ABCB4: variants seen among roughly 807,000 people sequenced by gnomAD.
ABCB4 encodes the protein ATP binding cassette subfamily B member 4, also known as phosphatidylcholine translocator ABCB4.
A neutral mutation model predicts 145.7 loss-of-function variants in ABCB4; 76 were observed. The observed-to-expected ratio is 0.52, with a 90% CI of 0.43 to 0.63. The LOEUF is 0.63. Ranked by LOEUF, ABCB4 falls within the 30% of genes least tolerant of loss-of-function variation. ABCB4 has a pLI of 0.00. For synonymous variants in ABCB4, 517 were observed against 566.8 expected, an observed-to-expected ratio of 0.91 and a Z score of 1.25; for missense variants, 1,234 against 1,553.1, an observed-to-expected ratio of 0.79 and a Z score of 3.45.
chr7:87,418,737 G>T, intron 19 of ABCB4, 117 bp from the exon 20 acceptor site: 1 of 904,366 alleles, frequency 1.1e-6, no homozygotes, highest in Non-Finnish European at 1.8e-6. Flanking sequence ...CATATGCAGT[G>T]TAGAGTCCCT....
the ABCB4 span, among the ~76,000 whole-genome samples, chr7:87,390,700 TCAC>T: frequency 1.3e-5 from 2 of 152,192 alleles, no homozygotes; most frequent in African/African-American, 4.8e-5. Context: ...AAAACAGATA[TCAC>T]CCTGGGGAAC....
chr7:87,413,088 T>C (rs1439879213), intron 22 of ABCB4, among the ~76,000 whole-genome samples: 1 of 152,226 alleles, frequency 6.6e-6, no homozygotes, highest in African/African-American at 2.4e-5. Context: ...CAGGCTGCAG[T>C]GGAAATGAGT....
chr7:87,439,853 T>G lies in ABCB4; in HGVS notation c.1561-16A>C. 4 of 1,614,152 alleles carry G rather than the reference T, an allele frequency of 2.5e-6. No homozygotes were observed. Among genetic ancestry groups the G allele is most frequent in the Non-Finnish European group, 3.4e-6 (4 of 1,180,008 alleles). ...TGTCAAATTTCTAACACAGAAAACATGGATCAGCTCTTGAAGTAACTTAAA... is the reference window on the plus strand; with the variant it reads ...TGTCAAATTTCTAACACAGAAAACAGGGATCAGCTCTTGAAGTAACTTAAA... On this transcript the variant is annotated splice_polypyrimidine_tract_variant and intron_variant, in intron 13 of 27. Transcript: ENST00000649586.
intron 24 of ABCB4, 102 bp downstream of exon 24, chr7:87,409,134 T>G: frequency 1.5e-6 from 2 of 1,341,566 alleles, no homozygotes; most frequent in Non-Finnish European, 2.1e-6. Context: ...ATGAAACACA[T>G]GTTGGTGTAA....
chr7:87,422,575 G>A (rs767029928), intron 17 of ABCB4, among the ~76,000 whole-genome samples: 7 of 151,986 alleles, frequency 4.6e-5, no homozygotes, highest in Non-Finnish European at 8.8e-5. Context: ...TGACTGCATG[G>A]TTGTTAACAT....
At chr7:87,443,598 T>C (rs1198932047) in intron 11 of ABCB4, 65 bp downstream of exon 11, 8 of 1,543,106 alleles carry the variant, frequency 5.2e-6, no homozygotes, top group Non-Finnish European at 7.1e-6. Context: ...ATAGAGACTT[T>C]ATTCTTTAAA....
Position 87,422,119 on chromosome 7 carries a change from A to G in ABCB4, c.2316+2T>C. 1 of 1,591,058 alleles carries G rather than the reference A, an allele frequency of 6.3e-7. No individual in the cohort carries two copies. The highest frequency in any genetic ancestry group is 8.6e-7 in the Non-Finnish European group (1 of 1,160,958). The stretch of plus-strand genomic sequence containing the variant: ...TGAGAAAGGCAAATCATGGGTACCT[A>G]CCTGAAGGAAGAAAGTAAAAAAAGA... On this transcript the variant is annotated splice_donor_variant, in intron 18 of 27. Transcript: ENST00000649586. LOFTEE classifies it high-confidence loss of function.
chr7:87,384,588 ATTGAG>A, the ABCB4 span, among the ~76,000 whole-genome samples: 1 of 152,194 alleles, frequency 6.6e-6, no homozygotes, highest in Non-Finnish European at 1.5e-5. Flanking sequence ...GTGTGTTGCT[ATTGAG>A]TTTTTTAAGT....
intron 25 of ABCB4, among the ~76,000 whole-genome samples, chr7:87,407,433 T>A (rs1808279622): frequency 6.6e-6 from 1 of 152,194 alleles, no homozygotes. Context: ...CTTTGGTGAC[T>A]GTCTAATGGG....
intron 3 of ABCB4, among the ~76,000 whole-genome samples, chr7:87,464,703 C>T (rs1304346308): frequency 1.3e-5 from 2 of 152,084 alleles, no homozygotes; most frequent in Admixed American, 6.5e-5. Flanking sequence ...TTATCCTCAA[C>T]CTCTTTCAGG....
chr7:87,377,280 G>A, the ABCB4 span: 25 of 929,722 alleles, frequency 2.7e-5, no homozygotes, highest in Non-Finnish European at 4.2e-5. Flanking sequence ...TGATATATGT[G>A]TTTAAGATGT....
chr7:87,380,768 G>A, the ABCB4 span, among the ~76,000 whole-genome samples: 1 of 152,172 alleles, frequency 6.6e-6, no homozygotes, highest in Non-Finnish European at 1.5e-5. Flanking sequence ...ACTGGCTCCA[G>A]TAAAATAGTT....
chr7:87,471,250 G>T (rs1021548808), intron 3 of ABCB4, among the ~76,000 whole-genome samples: 1 of 152,014 alleles, frequency 6.6e-6, no homozygotes, highest in African/African-American at 2.4e-5. Context: ...AGCATTAGGA[G>T]ATATACCTAA....
chr7:87,464,514 G>C (rs746543432), intron 3 of ABCB4, among the ~76,000 whole-genome samples: 3 of 152,192 alleles, frequency 2.0e-5, no homozygotes, highest in Non-Finnish European at 4.4e-5. Flanking sequence ...CACAGGGTCA[G>C]GTTGTTAACA....
rs375758922 is a variant in ABCB4, at chr7:87,451,838, G to T, written c.537-44C>A. On this transcript the variant is annotated intron_variant, in intron 6 of 27. Transcript: ENST00000649586. ...AAGTGGTTACAGGCAGGAGGTTTCA[G>T]TTAGAAAGATGAAGTAGACATCCAA... 3.6e-4 allele frequency: 568 copies of T among 1,591,794 alleles called. 3 individuals are homozygous for T. The highest frequency in any genetic ancestry group is 2.0e-3 in the Middle Eastern group (12 of 6,048).
chr7:87,431,050 A>G (rs940458149), intron 15 of ABCB4, among the ~76,000 whole-genome samples: 11 of 152,188 alleles, frequency 7.2e-5, no homozygotes, highest in Non-Finnish European at 1.3e-4. Flanking sequence ...CTGGCATTCC[A>G]TATAACTCAG....
intron 14 of ABCB4, among the ~76,000 whole-genome samples, chr7:87,438,721 G>A (rs766162084): frequency 1.3e-5 from 2 of 152,064 alleles, no homozygotes; most frequent in African/African-American, 4.8e-5. Context: ...TGCACTCCAC[G>A]CTGGGTGACA....
At position 87,417,497 on chromosome 7, in the gene ABCB4, C is replaced by T; in HGVS notation, c.2497G>A (p.Ala833Thr). 2.5e-6 allele frequency: 4 copies of T among 1,614,102 alleles called. No homozygotes were observed. Among genetic ancestry groups the T allele is most frequent in the Middle Eastern group, 1.6e-4 (1 of 6,062 alleles). The part of the protein sequence containing the change: ...QVQGATGTRL[A>T]LIAQNIANLG... Reference sequence around the variant, plus strand: ...TTAGCTATATTCTGTGCAATTAAAGCCAACCTGGTTCCTGTGGCCTGGGAG... The same window carrying T: ...TTAGCTATATTCTGTGCAATTAAAGTCAACCTGGTTCCTGTGGCCTGGGAG... The change falls in exon 21 of 28, where the codon GCT becomes ACT. Residue 833 changes from alanine to threonine, a missense_variant. Coordinates refer to ENST00000649586, the MANE Select transcript of ABCB4 (RefSeq NM_000443.4).
chr7:87,449,581 A>ACAC (rs1811569999), intron 8 of ABCB4, among the ~76,000 whole-genome samples: 1 of 149,732 alleles, frequency 6.7e-6, no homozygotes, highest in Non-Finnish European at 1.5e-5. Flanking sequence ...CCACAGGTGC[A>ACAC]CACCACCACA....
Sources: allele counts gnomAD v4.1 joint callset (sites outside exome capture counted in the v4.1 genomes callset), GRCh38; gene constraint gnomAD v4.1.1; transcripts MANE v1.5; gene names NCBI Gene and HGNC (gene_info 2026-07-23, HGNC 2026-07-21).